SLC20A2: variants seen among roughly 807,000 people sequenced by gnomAD.
The protein encoded by SLC20A2 is solute carrier family 20 member 2.
A neutral mutation model predicts 61.0 loss-of-function variants in SLC20A2; 30 were observed. That is an observed-to-expected ratio of 0.49 (90% confidence interval 0.37 to 0.67). The LOEUF (loss-of-function observed/expected upper bound fraction) is 0.67, where lower values mean the gene tolerates loss of function less well. Among genes scored for constraint, SLC20A2 ranks in the 30% least tolerant of loss-of-function variants. The pLI is 0.00. For synonymous variants in SLC20A2, 351 were observed against 353.3 expected (o/e 0.99, Z 0.07); for missense variants, 626 against 866.4 (o/e 0.72, Z 3.48).
In SLC20A2 at chr8:42,439,636, C is replaced by G; in HGVS notation, c.748G>C (p.Gly250Arg). ...RKITGKLQKEGALSRVSDESL... is the reference protein window; with the variant it reads ...RKITGKLQKERALSRVSDESL... ...TCGTCAGATACTCGTGATAAAGCAC[C>G]TTCTTTTTGTAATTTGCCTAAAGAA... The change falls in exon 7 of 11, where the codon GGT becomes CGT. Residue 250 changes from glycine (G) to arginine (R), a missense_variant. Physicochemically the swap from Gly to Arg is moderately radical, Grantham distance 125. Coordinates refer to ENST00000520262, the MANE Select transcript of SLC20A2 (RefSeq NM_001257180.2). The G allele has an allele frequency of 6.2e-7, 1 of 1,614,012 alleles. No homozygotes were observed. The highest frequency in any genetic ancestry group is 8.5e-7 in the Non-Finnish European group (1 of 1,179,848).
intron 5 of SLC20A2, among the ~76,000 whole-genome samples, chr8:42,446,596 A>G (rs758796476): frequency 3.9e-5 from 6 of 152,232 alleles, no homozygotes; most frequent in Non-Finnish European, 7.3e-5. Flanking sequence ...AGATCCAATG[A>G]GTAATGCAGG....
rs1357615935 is a variant in SLC20A2, at chr8:42,437,211, G to C, written c.1301C>G (p.Ser434Trp). 2.5e-6 allele frequency: 4 copies of C among 1,613,702 alleles called. No homozygotes were observed. Among genetic ancestry groups the C allele is most frequent in the Non-Finnish European group, 2.5e-6 (3 of 1,180,032 alleles). ...SKKRLRYDSY[S>W]SYCNAVAEAE... Reference sequence around the variant, plus strand: ...CTCTGCCACCGCGTTACAGTAGCTCGAGTAGCTGTCGTAGCGCAGCCTCTT... The same window carrying C: ...CTCTGCCACCGCGTTACAGTAGCTCCAGTAGCTGTCGTAGCGCAGCCTCTT... The change falls in exon 8 of 11, where the codon TCG (serine) becomes TGG (tryptophan). Residue 434 changes from serine to tryptophan, a missense_variant. By Grantham distance (177) the Ser-to-Trp change is radical. Around this residue, in one of 3 missense-constraint regions of SLC20A2, gnomAD observed 361 missense variants for 422.3 expected, o/e 0.85. Coordinates refer to ENST00000520262, the MANE Select transcript of SLC20A2 (RefSeq NM_001257180.2). The surrounding 1 kb of genome is among the most constrained non-coding windows in gnomAD (Gnocchi z 6.4).
At chr8:42,418,028 T>G (rs1312581752) in intron 10 of SLC20A2, 61 bp from the exon 11 acceptor site, 3 of 1,408,782 alleles carry the variant, frequency 2.1e-6, no homozygotes, top group Non-Finnish European at 3.0e-6. Flanking sequence ...ACTCTACCAA[T>G]GTACATGGGC....
chr8:42,491,362 A>C (rs1809496574), intron 1 of SLC20A2, among the ~76,000 whole-genome samples: 1 of 152,142 alleles, frequency 6.6e-6, no homozygotes, highest in African/African-American at 2.4e-5. Context: ...AAAATTTGCC[A>C]GGCATGGTGG....
In SLC20A2 at chr8:42,428,808, C is replaced by T; in HGVS notation, c.1744G>A (p.Val582Met). ...AGCCCGATGTTGGAGGCGATCACCACTGTGAAGGCTGAGGCCAGCTCGATC... is the reference window on the plus strand; with the variant it reads ...AGCCCGATGTTGGAGGCGATCACCATTGTGAAGGCTGAGGCCAGCTCGATC... ...FTIELASAFT[V>M]VIASNIGLPV... The change falls in exon 10 of 11, where the codon GTG (valine) becomes ATG (methionine). Residue 582 changes from valine (V) to methionine (M), a missense_variant. Val to Met is a conservative substitution (Grantham distance 21). Transcript: ENST00000520262. The T allele has an allele frequency of 6.2e-7, 1 of 1,609,410 alleles. No individual in the cohort carries two copies. Among genetic ancestry groups the T allele is most frequent in the South Asian group, 1.1e-5 (1 of 90,416 alleles).
chr8:42,527,636 C>A (rs932364324), intron 1 of SLC20A2, among the ~76,000 whole-genome samples: 2 of 151,668 alleles, frequency 1.3e-5, no homozygotes, highest in Non-Finnish European at 2.9e-5. Flanking sequence ...GGCGTGGTGG[C>A]GCATGCCTGT....
At chr8:42,536,350 T>C (rs912894816) in intron 1 of SLC20A2, 25 of 152,252 alleles carry the variant, frequency 1.6e-4, no homozygotes, top group African/African-American at 5.8e-4. Context: ...TACAGAATAC[T>C]GTACCTGCAA....
intron 8 of SLC20A2, among the ~76,000 whole-genome samples, chr8:42,434,559 G>C (rs1804097840): frequency 6.6e-6 from 1 of 152,166 alleles, no homozygotes; most frequent in Non-Finnish European, 1.5e-5. Flanking sequence ...TGGTTTTGCT[G>C]TGTGGCCCTG....
chr8:42,503,515 T>C (rs1422143911), upstream of SLC20A2, among the ~76,000 whole-genome samples: 1 of 152,208 alleles, frequency 6.6e-6, no homozygotes, highest in Non-Finnish European at 1.5e-5. Context: ...GTAGCTGCTT[T>C]TAGAAAAGTA....
intron 1 of SLC20A2, among the ~76,000 whole-genome samples, chr8:42,478,040 C>T (rs1242629802): frequency 2.0e-5 from 3 of 151,710 alleles, no homozygotes; most frequent in Admixed American, 2.0e-4. Context: ...TGCACACCAC[C>T]ACACCCAGCT....
intron 9 of SLC20A2, among the ~76,000 whole-genome samples, chr8:42,429,252 T>C (rs1803661865): frequency 6.6e-6 from 1 of 152,222 alleles, no homozygotes; most frequent in Non-Finnish European, 1.5e-5. Flanking sequence ...TTCTAAACTA[T>C]CTTTTATTGA....
At chr8:42,418,071 C>T in intron 10 of SLC20A2, 104 bp from the exon 11 acceptor site, 2 of 836,704 alleles carry the variant, frequency 2.4e-6, no homozygotes, top group South Asian at 3.6e-5. Flanking sequence ...TACAACATTA[C>T]CCAGTCCCCT....
chr8:42,541,581 T>C (rs1813169104), intron 1 of SLC20A2: 1 of 145,444 alleles, frequency 6.9e-6, no homozygotes, highest in Admixed American at 6.8e-5. Flanking sequence ...CGGCAGGAAA[T>C]GACGAAGGCA....
intron 1 of SLC20A2, among the ~76,000 whole-genome samples, chr8:42,529,067 T>C (rs1283571449): frequency 1.3e-5 from 2 of 151,992 alleles, no homozygotes; most frequent in Admixed American, 6.6e-5. Context: ...CTCAAACTCT[T>C]TGGCTCAAGC....
intron 2 of SLC20A2, among the ~76,000 whole-genome samples, chr8:42,469,731 C>A (rs1007859729): frequency 3.9e-5 from 6 of 151,990 alleles, no homozygotes; most frequent in African/African-American, 1.4e-4. Context: ...AGTTTGAGAC[C>A]AGCCTGACTA....
In SLC20A2 at chr8:42,529,828, A is replaced by G. The variant is rs144994657; in HGVS notation, c.-265+11993T>C. ...CAAGTCTCCCTGTCTATGGGAATGCAGTTTTCCTCTCTCTGAATCGATACA... is the reference window on the plus strand; with the variant it reads ...CAAGTCTCCCTGTCTATGGGAATGCGGTTTTCCTCTCTCTGAATCGATACA... On this transcript the variant is annotated intron_variant, in intron 1 of 10. Transcript: ENST00000342228. Among the ~76,000 whole-genome samples the G allele has an allele frequency of 4.7e-3, 709 of 152,354 alleles. 8 individuals are homozygous for G. Among genetic ancestry groups the G allele is most frequent in the African/African-American group, 0.016 (682 of 41,578 alleles).
chr8:42,507,630 T>G (rs966527791), intron 1 of SLC20A2, among the ~76,000 whole-genome samples: 4 of 152,174 alleles, frequency 2.6e-5, no homozygotes, highest in African/African-American at 7.2e-5. Flanking sequence ...TAAAGCACCA[T>G]CAGGAAACTC....
chr8:42,483,116 TG>T (rs1253644759), intron 1 of SLC20A2, among the ~76,000 whole-genome samples: 1 of 151,768 alleles, frequency 6.6e-6, no homozygotes, highest in Non-Finnish European at 1.5e-5. Context: ...GAGGCCAAGC[TG>T]GGTGGATCAC....
intron 1 of SLC20A2, among the ~76,000 whole-genome samples, chr8:42,512,823 G>T (rs1357136681): frequency 6.6e-6 from 1 of 152,232 alleles, no homozygotes; most frequent in Non-Finnish European, 1.5e-5. Flanking sequence ...ATACACAGCA[G>T]ATCAGAACTA....
Sources: allele counts gnomAD v4.1 joint callset (sites outside exome capture counted in the v4.1 genomes callset), GRCh38; gene constraint gnomAD v4.1.1; regional missense constraint gnomAD v4.1.1; non-coding constraint Gnocchi (gnomAD v3.1); transcripts MANE v1.5; gene names NCBI Gene and HGNC (gene_info 2026-07-23, HGNC 2026-07-21).